The following TIAM1 variants were observed in gnomAD, a reference collection of about 807,000 sequenced individuals.
The protein encoded by TIAM1 is TIAM Rac1 associated GEF 1, also known as rho guanine nucleotide exchange factor TIAM1.
TIAM1 carries 65 observed loss-of-function variants against 163.5 expected under a neutral mutation model. The observed-to-expected ratio is 0.40, with a 90% CI of 0.33 to 0.49. The LOEUF (loss-of-function observed/expected upper bound fraction) is 0.49, where lower values mean the gene tolerates loss of function less well. TIAM1 is among the 20% of genes least tolerant of loss of function. The pLI is 0.77. For missense variants in TIAM1, 1,789 were observed against 2,044.7 expected (o/e 0.87, Z 2.41); for synonymous variants, 833 against 810.1 (o/e 1.03, Z -0.48).
chr21:31,201,372 G>C (rs890670152), intron 12 of TIAM1, among the ~76,000 whole-genome samples: 1 of 152,126 alleles, frequency 6.6e-6, no homozygotes, highest in South Asian at 2.1e-4. Context: ...GTTGGAAAAG[G>C]GCTCATTATT....
At chr21:31,222,545 C>T (rs1745302376) in intron 8 of TIAM1, among the ~76,000 whole-genome samples, 1 of 151,534 alleles carries the variant, frequency 6.6e-6, no homozygotes, top group Admixed American at 6.6e-5. Context: ...TGCTCTAATG[C>T]ATCGGGTATT....
At chr21:31,146,007 T>C (rs1240739945) in intron 20 of TIAM1, among the ~76,000 whole-genome samples, 1 of 152,146 alleles carries the variant, frequency 6.6e-6, no homozygotes, top group Non-Finnish European at 1.5e-5. Context: ...TGAAGTGTGG[T>C]AGGTTATAAT....
intron 13 of TIAM1, among the ~76,000 whole-genome samples, chr21:31,188,413 C>T (rs1012551486): frequency 6.6e-6 from 1 of 152,074 alleles, no homozygotes; most frequent in Non-Finnish European, 1.5e-5. Flanking sequence ...AGCCTTAACA[C>T]AGGTGTATTT....
intron 2 of TIAM1, among the ~76,000 whole-genome samples, chr21:31,350,734 T>C (rs891067488): frequency 3.3e-5 from 5 of 152,226 alleles, no homozygotes; most frequent in African/African-American, 4.8e-5. Flanking sequence ...ATGCTTCCTG[T>C]ACAGCCTGCA....
At chr21:31,331,012 G>A (rs1441395496) in intron 2 of TIAM1, among the ~76,000 whole-genome samples, 4 of 151,780 alleles carry the variant, frequency 2.6e-5, no homozygotes, top group South Asian at 2.1e-4. Flanking sequence ...GTGGAACTTC[G>A]CTGTAGATTC....
intron 24 of TIAM1, among the ~76,000 whole-genome samples, 166 bp from the exon 25 acceptor site, chr21:31,130,481 G>A (rs940771336): frequency 6.6e-6 from 1 of 152,210 alleles, no homozygotes; most frequent in African/African-American, 2.4e-5. Flanking sequence ...GTGAGAGGCT[G>A]CGTGATAAAT....
chr21:31,251,659 A>T (rs2071809586), intron 5 of TIAM1, 83 bp downstream of exon 5: 2 of 1,396,006 alleles, frequency 1.4e-6, no homozygotes, highest in African/African-American at 1.4e-5. Context: ...ACAACAACAA[A>T]CCCACCCATC....
chr21:31,476,509 G>C (rs967323408), intron 1 of TIAM1, among the ~76,000 whole-genome samples: 5 of 152,184 alleles, frequency 3.3e-5, no homozygotes, highest in Non-Finnish European at 5.9e-5. Context: ...TTGTTCTTTA[G>C]TAAATTACAG....
At chr21:31,475,536 A>C (rs1432090394) in intron 1 of TIAM1, among the ~76,000 whole-genome samples, 1 of 152,224 alleles carries the variant, frequency 6.6e-6, no homozygotes, top group Admixed American at 6.5e-5. Context: ...CAAAGGAGGC[A>C]ATCAAAGCAA....
chr21:31,298,058 G>A (rs761762026), intron 2 of TIAM1, among the ~76,000 whole-genome samples: 5 of 152,136 alleles, frequency 3.3e-5, no homozygotes, highest in African/African-American at 1.2e-4. Flanking sequence ...GGGTGGGGGA[G>A]GGCACATGAC....
intron 16 of TIAM1, among the ~76,000 whole-genome samples, chr21:31,155,744 A>G (rs914832553): frequency 2.0e-4 from 30 of 151,910 alleles, no homozygotes; most frequent in East Asian, 7.8e-4. Context: ...CTTGTGATCC[A>G]CCCGCCTTGG....
chr21:31,494,504 T>A (rs1376410353), intron 1 of TIAM1, among the ~76,000 whole-genome samples: 1 of 152,186 alleles, frequency 6.6e-6, no homozygotes, highest in Non-Finnish European at 1.5e-5. Flanking sequence ...AAAAGTAAGA[T>A]GCTTTCCACC....
chr21:31,161,130 G>A (rs984501524), intron 16 of TIAM1, among the ~76,000 whole-genome samples: 2 of 151,500 alleles, frequency 1.3e-5, no homozygotes, highest in Non-Finnish European at 2.9e-5. Context: ...TATAAAAGCA[G>A]ACATTTCTGA....
chr21:31,465,720 G>A (rs570602150), intron 1 of TIAM1, among the ~76,000 whole-genome samples: 64 of 152,124 alleles, frequency 4.2e-4, no homozygotes, highest in Admixed American at 8.5e-4. Flanking sequence ...ACAGGCGCCC[G>A]CCACCATGCC....
chr21:31,458,792 G>C lies in TIAM1; in HGVS notation c.-369+5191C>G, dbSNP rs1369511755. On this transcript the variant is annotated intron_variant, in intron 2 of 28. Coordinates refer to the TIAM1 transcript ENST00000286827. Reference sequence around the variant, plus strand: ...GTCTGGGGAGAGGGCTGCTACTTCAGCTTAGGTTCTCAGGGAAGCCTGTCC... The same window carrying C: ...GTCTGGGGAGAGGGCTGCTACTTCACCTTAGGTTCTCAGGGAAGCCTGTCC... Among the ~76,000 whole-genome samples the C allele has an allele frequency of 3.9e-5, 6 of 152,292 alleles. No individual in the cohort carries two copies. In the East Asian group the frequency reaches 7.7e-4, roughly 20 times the overall value.
At chr21:31,323,385 C>T (rs1336639283) in intron 2 of TIAM1, among the ~76,000 whole-genome samples, 2 of 151,592 alleles carry the variant, frequency 1.3e-5, no homozygotes, top group East Asian at 3.9e-4. Flanking sequence ...AAGTATATGA[C>T]GTTCCAGAAA....
intron 1 of TIAM1, among the ~76,000 whole-genome samples, chr21:31,467,912 C>A (rs533112820): frequency 2.8e-4 from 42 of 151,396 alleles, no homozygotes; most frequent in African/African-American, 9.2e-4. Context: ...ATGGTGAAAC[C>A]CTGTCTATGC....
chr21:31,228,806 G>C (rs2088217047), intron 6 of TIAM1, among the ~76,000 whole-genome samples: 2 of 152,186 alleles, frequency 1.3e-5, no homozygotes, highest in Admixed American at 1.3e-4. Context: ...TTGACTCACA[G>C]TTCAGCATGG....
chr21:31,143,278 C>A (rs897086277), intron 20 of TIAM1, among the ~76,000 whole-genome samples: 3 of 152,066 alleles, frequency 2.0e-5, no homozygotes, highest in Admixed American at 1.3e-4. Context: ...ATTGGAAATT[C>A]ATTTCCAATG....
Sources: gnomAD v4.1 joint callset for allele counts (sites outside exome capture counted in the v4.1 genomes callset) on GRCh38, gnomAD v4.1.1 for gene constraint, MANE v1.5 for transcripts, NCBI Gene and HGNC (gene_info 2026-07-23, HGNC 2026-07-21) for gene names.